Variants in SLIT2 observed in about 807,000 individuals in gnomAD.
SLIT2 encodes slit homolog 2 protein.
A neutral mutation model predicts 185.7 loss-of-function variants in SLIT2; 41 were observed. The ratio of observed to expected loss-of-function variants is 0.22; its 90% CI spans 0.17 to 0.29. SLIT2 has a LOEUF of 0.29. Among genes scored for constraint, SLIT2 ranks in the 10% least tolerant of loss-of-function variants. The pLI, the probability that SLIT2 is intolerant of heterozygous loss-of-function variation, is 1.00. For synonymous variants in SLIT2, 693 were observed against 680.2 expected (o/e 1.02, Z -0.29); for missense variants, 1,571 against 1,909.0 (o/e 0.82, Z 3.30).
rs1553916491 is a variant in SLIT2 at position 20,518,229 on chromosome 4, A to ATATGTG, written c.1059-1152_1059-1151insATGTGT. Among the ~76,000 whole-genome samples the ATATGTG allele has an allele frequency of 1.4e-4, 17 of 118,458 alleles. 1 individual carries two copies. The South Asian group carries it at 4.6e-3, about 32-fold the overall frequency. 77.7% of individuals were successfully genotyped at this position (118,458 alleles called of 152,430 possible). On this transcript the variant is annotated intron_variant, in intron 11 of 36. Coordinates refer to ENST00000504154, the MANE Select transcript of SLIT2 (RefSeq NM_004787.4). The stretch of plus-strand genomic sequence containing the variant: ...TATATTTATATATATATACATATAT[A>ATATGTG]TGTGTGTGTGTATATATATATATAT...
At chr4:20,477,116 A>G (rs1264818931) in intron 5 of SLIT2, among the ~76,000 whole-genome samples, 2 of 151,036 alleles carry the variant, frequency 1.3e-5, no homozygotes, top group African/African-American at 2.4e-5. Flanking sequence ...TGAACTATCT[A>G]GAGTTATTCT....
intron 26 of SLIT2, among the ~76,000 whole-genome samples, chr4:20,557,156 G>C (rs1724330712): frequency 6.6e-6 from 1 of 152,094 alleles, no homozygotes. Context: ...TACTGATGTA[G>C]AAGCTACAGC....
intron 29 of SLIT2, among the ~76,000 whole-genome samples, chr4:20,585,520 A>G (rs748061985): frequency 3.9e-5 from 6 of 152,228 alleles, no homozygotes; most frequent in Non-Finnish European, 7.3e-5. Flanking sequence ...CATGGAGTCA[A>G]GGCTTGCCTA....
intron 9 of SLIT2, among the ~76,000 whole-genome samples, 192 bp downstream of exon 9, chr4:20,492,091 T>C (rs1380843001): frequency 2.0e-5 from 3 of 152,220 alleles, no homozygotes; most frequent in East Asian, 3.8e-4. Flanking sequence ...GTGATGTTTT[T>C]TCTTCCACAG....
rs75247881 is a variant in SLIT2 at position 20,619,167 on chromosome 4, A to G, written c.*158A>G. The G allele has an allele frequency of 8.3e-6, 2 of 242,012 alleles. No individual in the cohort carries two copies. The highest frequency in any genetic ancestry group is 2.4e-5 in the African/African-American group (1 of 41,306). The allele number at this position is 242,012 out of a possible 1,614,324, so 15.0% of individuals were successfully genotyped here. ...ATAAAGACTTTTTTTCTGCATTTGG[A>G]AAAAAAAAAAAAGAAATGCTTGAAC... On this transcript the variant is annotated 3_prime_UTR_variant, in exon 37 of 37. Transcript: ENST00000504154.
intron 21 of SLIT2, among the ~76,000 whole-genome samples, chr4:20,543,396 G>GC (rs930627276): frequency 6.6e-6 from 1 of 152,110 alleles, no homozygotes; most frequent in African/African-American, 2.4e-5. Context: ...GAATAATGAT[G>GC]CTTCCATGCC....
At chr4:20,389,922 C>A (rs908014340) in intron 4 of SLIT2, among the ~76,000 whole-genome samples, 1 of 152,036 alleles carries the variant, frequency 6.6e-6, no homozygotes, top group Non-Finnish European at 1.5e-5. Context: ...CCTTGGTTTT[C>A]CAATCATCCG....
intron 4 of SLIT2, among the ~76,000 whole-genome samples, chr4:20,360,580 T>C (rs1179040429): frequency 6.6e-6 from 1 of 152,062 alleles, no homozygotes; most frequent in Non-Finnish European, 1.5e-5. Flanking sequence ...AGTAGAAAAA[T>C]ACAATAACAT....
At chr4:20,306,211 G>GAGAAGAAA (rs1560301471) in intron 4 of SLIT2, among the ~76,000 whole-genome samples, 1 of 152,028 alleles carries the variant, frequency 6.6e-6, no homozygotes, top group Admixed American at 6.6e-5. Context: ...GGGAGAAAGG[G>GAGAAGAAA]GACTGGTCAG....
At chr4:20,344,638 T>C (rs189620989) in intron 4 of SLIT2, among the ~76,000 whole-genome samples, 17 of 152,312 alleles carry the variant, frequency 1.1e-4, no homozygotes, top group African/African-American at 4.1e-4. Flanking sequence ...TTTGTATCCT[T>C]TTTCTGTCTC....
At chr4:20,552,507 T>A (rs1185635870) in intron 25 of SLIT2, 1 of 152,100 alleles carries the variant, frequency 6.6e-6, no homozygotes, top group Non-Finnish European at 1.5e-5. Flanking sequence ...GCTCTGCTTT[T>A]TCACTTTTCC....
At chr4:20,328,666 A>G (rs1467675671) in intron 4 of SLIT2, among the ~76,000 whole-genome samples, 1 of 152,028 alleles carries the variant, frequency 6.6e-6, no homozygotes, top group East Asian at 1.9e-4. Flanking sequence ...ACGTTATTAG[A>G]TTTTACTTAT....
chr4:20,533,507 C>T, intron 17 of SLIT2, 65 bp from the exon 18 acceptor site: 1 of 1,257,842 alleles, frequency 8.0e-7, no homozygotes, highest in Non-Finnish European at 1.1e-6. Flanking sequence ...AAATTATCAA[C>T]TATGTTTCAA....
At chr4:20,482,314 AG>A (rs780863257) in intron 6 of SLIT2, among the ~76,000 whole-genome samples, 4 of 151,994 alleles carry the variant, frequency 2.6e-5, no homozygotes, top group Non-Finnish European at 5.9e-5. Flanking sequence ...CTTGTTATTA[AG>A]TTTTCAGATG....
At chr4:20,422,882 T>G (rs534319760) in intron 4 of SLIT2, among the ~76,000 whole-genome samples, 1 of 152,080 alleles carries the variant, frequency 6.6e-6, no homozygotes, top group African/African-American at 2.4e-5. Context: ...TCATTCTGAT[T>G]TTTTTCCCCA....
intron 29 of SLIT2, among the ~76,000 whole-genome samples, chr4:20,581,459 T>G (rs1475102161): frequency 6.6e-6 from 1 of 152,198 alleles, no homozygotes; most frequent in Non-Finnish European, 1.5e-5. Context: ...AAACTCTGTT[T>G]GCACCAGAAA....
At position 20,564,979 on chromosome 4, in the gene SLIT2, CGT is replaced by C. The variant is rs570577013; in HGVS notation, c.2726-2281_2726-2280del. ...ACATTTATTAAATAAATCCCCACTACGTGGTAAAATGAACATGAACTACTTCA... is the reference window on the plus strand; with the variant it reads ...ACATTTATTAAATAAATCCCCACTACGGTAAAATGAACATGAACTACTTCA... On this transcript the variant is annotated intron_variant, in intron 26 of 36. Coordinates refer to ENST00000504154, the MANE Select transcript of SLIT2 (RefSeq NM_004787.4). 2.4e-3 allele frequency among the ~76,000 whole-genome samples: 365 copies of C among 152,064 alleles called. 3 individuals carry two copies. The highest frequency in any genetic ancestry group is 8.1e-3 in the African/African-American group (336 of 41,524).
Position 20,524,082 on chromosome 4 carries a change from A to G in SLIT2, c.1343A>G (p.Asn448Ser), listed in dbSNP as rs1456280279. Residue 448 changes from asparagine (N) to serine (S), a missense_variant, in exon 14 of 37, where the codon AAC becomes AGC. Coordinates refer to ENST00000504154, the MANE Select transcript of SLIT2 (RefSeq NM_004787.4). ...TGGCTAGCGGATTATCTCCATACCAACCCGATTGAGACCAGTGGTGCCCGT... is the reference window on the plus strand; with the variant it reads ...TGGCTAGCGGATTATCTCCATACCAGCCCGATTGAGACCAGTGGTGCCCGT... ...LKWLADYLHT[N>S]PIETSGARCT... 1.9e-6 allele frequency: 3 copies of G among 1,613,806 alleles called. No homozygotes were observed. Among genetic ancestry groups the G allele is most frequent in the Non-Finnish European group, 1.7e-6 (2 of 1,179,900 alleles).
At chr4:20,507,477 G>C (rs1719319199) in intron 9 of SLIT2, among the ~76,000 whole-genome samples, 1 of 151,856 alleles carries the variant, frequency 6.6e-6, no homozygotes, top group Non-Finnish European at 1.5e-5. Flanking sequence ...AAGTCTCTAT[G>C]CTGAATATAG....
Sources: gnomAD v4.1 joint callset for allele counts (sites outside exome capture counted in the v4.1 genomes callset) on GRCh38, gnomAD v4.1.1 for gene constraint, MANE v1.5 for transcripts, NCBI Gene and HGNC (gene_info 2026-07-23, HGNC 2026-07-21) for gene names.